Variants in LRIG1 observed in about 807,000 individuals in gnomAD.
LRIG1 encodes the protein leucine-rich repeats and immunoglobulin-like domains protein 1.
LRIG1 carries 48 observed loss-of-function variants against 99.2 expected under a neutral mutation model. The observed-to-expected ratio is 0.48, with a 90% CI of 0.38 to 0.62. The LOEUF is 0.62. Ranked by LOEUF, LRIG1 falls within the 20% of genes least tolerant of loss-of-function variation. LRIG1 has a pLI of 0.00. For synonymous variants in LRIG1, 772 were observed against 596.1 expected (o/e 1.29, Z -4.30); for missense variants, 1,646 against 1,434.4 (o/e 1.15, Z -2.38).
chr3:66,405,585 G>A (rs1702236825), intron 8 of LRIG1, among the ~76,000 whole-genome samples: 1 of 152,226 alleles, frequency 6.6e-6, no homozygotes, highest in Non-Finnish European at 1.5e-5. Flanking sequence ...TGCCCCGAGA[G>A]AGCGGACATC....
In LRIG1 at chr3:66,392,642, CA is replaced by C. The variant is rs1010925194; in HGVS notation, c.1468+1397del. Among the ~76,000 whole-genome samples the C allele has an allele frequency of 5.8e-4, 88 of 152,042 alleles. 1 individual carries two copies. The highest frequency in any genetic ancestry group is 1.6e-3 in the East Asian group (8 of 5,150). On this transcript the variant is annotated intron_variant, in intron 12 of 18. Coordinates refer to ENST00000273261, the MANE Select transcript of LRIG1 (RefSeq NM_015541.3). Reference sequence around the variant, plus strand: ...AGCTAAAATGTGGGGGTGGGGATGACAGATGTGAAATAAACAACTCTTGCAA... The same window carrying C: ...AGCTAAAATGTGGGGGTGGGGATGACGATGTGAAATAAACAACTCTTGCAA...
chr3:66,388,039 GGAGCTTGCAGT>G (rs1184362345), intron 12 of LRIG1: 1 of 146,182 alleles, frequency 6.8e-6, no homozygotes, highest in African/African-American at 2.5e-5. Flanking sequence ...CCCAGGAGGC[GGAGCTTGCAGT>G]GAGCCAAGAT....
intron 6 of LRIG1, 113 bp from the exon 7 acceptor site, chr3:66,410,385 CAGTGCACGACAGAA>C: frequency 1.0e-6 from 1 of 984,932 alleles, no homozygotes; most frequent in Non-Finnish European, 1.5e-6. Context: ...AAGGCTAGAA[CAGTGCACGACAGAA>C]CTGTGGAGTC....
chr3:66,434,323 CA>C (rs750320653), intron 3 of LRIG1, among the ~76,000 whole-genome samples: 2 of 152,012 alleles, frequency 1.3e-5, no homozygotes, highest in African/African-American at 2.4e-5. Flanking sequence ...GACATTTTAC[CA>C]AAAAGAATCT....
In LRIG1 at chr3:66,384,076, C is replaced by T. The variant is rs1295767149; in HGVS notation, c.1986G>A (p.Val662=). 6 of 1,614,034 alleles carry T rather than the reference C, an allele frequency of 3.7e-6. No individual in the cohort carries two copies. Among genetic ancestry groups the T allele is most frequent in the African/African-American group, 2.7e-5 (2 of 74,904 alleles). ...PDDDVFFITD[V]KIDDAGVYSC... is the part of the protein sequence containing the mutation. ...TGTAAACCCCTGCGTCATCTATTTT[C>T]ACATCAGTGATGAAAAACACGTCGT... is the stretch of plus-strand genomic sequence containing the variant. Residue 662 remains valine, a synonymous_variant, in exon 14 of 19, where the codon GTG becomes GTA. Coordinates refer to ENST00000273261, the MANE Select transcript of LRIG1 (RefSeq NM_015541.3).
chr3:66,381,673 T>C (rs760578088), intron 16 of LRIG1, 42 bp from the exon 17 acceptor site: 1 of 1,596,778 alleles, frequency 6.3e-7, no homozygotes, highest in Non-Finnish European at 8.6e-7. Flanking sequence ...CTGGGCTTGG[T>C]ATTTCACAGT....
chr3:66,405,739 G>A lies in LRIG1; in HGVS notation c.1080-461C>T, dbSNP rs1702245500. 5 of 1,120,944 alleles carry A rather than the reference G, an allele frequency of 4.5e-6. No individual in the cohort carries two copies. In the South Asian group the frequency reaches 6.2e-5, roughly 14 times the overall value. 69.4% of individuals were successfully genotyped at this position (1,120,944 alleles called of 1,614,324 possible). ...GAGACCCGGCACAGGGCCGGCCCGTGGGCGCCTCCGTACCAGCCAGTGGGT... is the reference window on the plus strand; with the variant it reads ...GAGACCCGGCACAGGGCCGGCCCGTAGGCGCCTCCGTACCAGCCAGTGGGT... On this transcript the variant is annotated intron_variant, in intron 8 of 18. Transcript: ENST00000273261.
chr3:66,438,466 A>C (rs182074820), intron 3 of LRIG1, among the ~76,000 whole-genome samples: 288 of 152,252 alleles, frequency 1.9e-3, no homozygotes, highest in African/African-American at 6.5e-3. Flanking sequence ...CTCTCCTTAC[A>C]GGTGAGGGAA....
intron 1 of LRIG1, among the ~76,000 whole-genome samples, chr3:66,482,581 C>T (rs977278016): frequency 6.6e-6 from 1 of 152,168 alleles, no homozygotes; most frequent in African/African-American, 2.4e-5. Context: ...AGTTGGCAGC[C>T]TCTTTCTCAG....
intron 1 of LRIG1, among the ~76,000 whole-genome samples, chr3:66,488,183 A>G (rs1701016985): frequency 1.3e-5 from 2 of 152,174 alleles, no homozygotes; most frequent in African/African-American, 2.4e-5. Context: ...TAGATTCTCC[A>G]TGAAAAGTAT....
intron 17 of LRIG1, 104 bp from the exon 18 acceptor site, chr3:66,380,965 G>A: frequency 8.5e-7 from 1 of 1,178,848 alleles, no homozygotes. Flanking sequence ...TGAGAACCCT[G>A]ACTGCAAACA....
At chr3:66,490,165 C>A (rs1701070448) in intron 1 of LRIG1, among the ~76,000 whole-genome samples, 1 of 152,084 alleles carries the variant, frequency 6.6e-6, no homozygotes, top group African/African-American at 2.4e-5. Flanking sequence ...AAGGCCAAAC[C>A]ACCCAAAGCA....
At chr3:66,437,031 C>T (rs1286390628) in intron 3 of LRIG1, among the ~76,000 whole-genome samples, 3 of 152,212 alleles carry the variant, frequency 2.0e-5, no homozygotes, top group Non-Finnish European at 4.4e-5. Flanking sequence ...TCAATGCCAT[C>T]TACTGGCACC....
In LRIG1 at chr3:66,386,128, C is replaced by T. The variant is rs554245093; in HGVS notation, c.1642G>A (p.Val548Ile). Residue 548 changes from valine to isoleucine, a missense_variant, in exon 13 of 19, where the codon GTC becomes ATC. Coordinates refer to ENST00000273261, the MANE Select transcript of LRIG1 (RefSeq NM_015541.3). ...ATCACTTCCCCGTCCTGCGCGTGGACGTGGACAAAGTTCTCCATGTCTGCA... is the reference window on the plus strand; with the variant it reads ...ATCACTTCCCCGTCCTGCGCGTGGATGTGGACAAAGTTCTCCATGTCTGCA... Reference protein sequence around the residue: ...TNADMENFVHVHAQDGEVMEY... With the variant: ...TNADMENFVHIHAQDGEVMEY... 30 of 1,614,132 alleles carry T rather than the reference C, an allele frequency of 1.9e-5. No homozygotes were observed. The highest frequency in any genetic ancestry group is 1.6e-4 in the East Asian group (7 of 44,864).
intron 12 of LRIG1, among the ~76,000 whole-genome samples, chr3:66,388,449 A>G (rs144946730): frequency 0.01 from 1,542 of 152,292 alleles, 32 homozygotes; most frequent in African/African-American, 0.036. Flanking sequence ...GAGAAAAAGT[A>G]TCTGCAAAAC....
At chr3:66,440,019 A>AGG (rs11375140) in intron 3 of LRIG1, among the ~76,000 whole-genome samples, 2 of 151,308 alleles carry the variant, frequency 1.3e-5, no homozygotes, top group African/African-American at 4.9e-5. Flanking sequence ...AGAAAGAAAG[A>AGG]GGGGGAAAAA....
At chr3:66,380,539 G>A in intron 18 of LRIG1, 38 bp downstream of exon 18, 1 of 1,613,472 alleles carries the variant, frequency 6.2e-7, no homozygotes. Context: ...CGTTTAAGCA[G>A]CTCCCAACCC....
At chr3:66,406,853 G>C (rs1211779490) in intron 8 of LRIG1, among the ~76,000 whole-genome samples, 3 of 152,218 alleles carry the variant, frequency 2.0e-5, no homozygotes, top group African/African-American at 7.2e-5. Context: ...TTGGAAAGGA[G>C]GCATCTTGGT....
intron 11 of LRIG1, among the ~76,000 whole-genome samples, chr3:66,397,539 G>C (rs992792088): frequency 6.6e-6 from 1 of 151,504 alleles, no homozygotes; most frequent in Non-Finnish European, 1.5e-5. Context: ...ATACAGGGAA[G>C]CTTTTCCAAC....
Sources: gnomAD v4.1 joint callset for allele counts (sites outside exome capture counted in the v4.1 genomes callset) on GRCh38, gnomAD v4.1.1 for gene constraint, MANE v1.5 for transcripts, NCBI Gene and HGNC (gene_info 2026-07-23, HGNC 2026-07-21) for gene names.